The following PTPRT variants were observed in gnomAD, a reference collection of about 807,000 sequenced individuals.
PTPRT encodes protein tyrosine phosphatase receptor type T, also known as receptor-type tyrosine-protein phosphatase T.
In PTPRT, 56 loss-of-function variants were observed where a neutral mutation model predicts 176.8. The ratio of observed to expected loss-of-function variants is 0.32; its 90% CI spans 0.26 to 0.40. PTPRT has a LOEUF of 0.40. PTPRT is among the 10% of genes least tolerant of loss of function. PTPRT has a pLI of 1.00. For missense variants in PTPRT, 1,540 were observed against 1,908.2 expected, an observed-to-expected ratio of 0.81 and a Z score of 3.60; for synonymous variants, 783 against 739.0, an observed-to-expected ratio of 1.06 and a Z score of -0.96.
chr20:43,169,692 A>T (rs2014947506), intron 1 of PTPRT, among the ~76,000 whole-genome samples: 1 of 152,216 alleles, frequency 6.6e-6, no homozygotes, highest in Admixed American at 6.5e-5. Context: ...AAGAACCACT[A>T]CCGTAAACCA....
intron 22 of PTPRT, 134 bp from the exon 23 acceptor site, chr20:42,110,621 G>A (rs1986925293): frequency 1.1e-6 from 1 of 881,718 alleles, no homozygotes; most frequent in African/African-American, 1.7e-5. Flanking sequence ...GTTAATAGGT[G>A]TTACTGGATA....
intron 1 of PTPRT, among the ~76,000 whole-genome samples, chr20:43,062,368 T>C (rs368686348): frequency 4.6e-5 from 7 of 152,226 alleles, no homozygotes; most frequent in African/African-American, 1.7e-4. Context: ...TGAGCCTTAG[T>C]TTCAGGCTGT....
At chr20:42,202,768 G>T (rs1445157011) in intron 15 of PTPRT, among the ~76,000 whole-genome samples, 1 of 152,176 alleles carries the variant, frequency 6.6e-6, no homozygotes, top group African/African-American at 2.4e-5. Context: ...CGGAGGCTTT[G>T]ATATTTCCTT....
intron 7 of PTPRT, among the ~76,000 whole-genome samples, chr20:42,549,346 G>A (rs139434827): frequency 5.3e-5 from 8 of 152,194 alleles, no homozygotes; most frequent in African/African-American, 9.6e-5. Context: ...TGATTTATCC[G>A]TGTACGTTTA....
chr20:42,899,852 A>T (rs1214809686), intron 1 of PTPRT, among the ~76,000 whole-genome samples: 1 of 152,218 alleles, frequency 6.6e-6, no homozygotes, highest in African/African-American at 2.4e-5. Context: ...ACTTTGGATG[A>T]GTCAGAAGAA....
At chr20:43,120,844 T>C (rs186588956) in intron 1 of PTPRT, among the ~76,000 whole-genome samples, 407 of 152,372 alleles carry the variant, frequency 2.7e-3, no homozygotes, top group African/African-American at 8.9e-3. Context: ...ATTTTTGTAT[T>C]GAAATTTTGT....
intron 1 of PTPRT, among the ~76,000 whole-genome samples, chr20:42,935,717 TAGTCCAGTCC>T (rs545980201): frequency 1.7e-4 from 26 of 152,182 alleles, no homozygotes; most frequent in East Asian, 5.8e-4. Context: ...CGGTCTAGTC[TAGTCCAGTCC>T]AGTCCAGTCC....
chr20:43,104,835 GGTGA>G (rs1332982873), intron 1 of PTPRT, among the ~76,000 whole-genome samples: 2 of 152,176 alleles, frequency 1.3e-5, no homozygotes, highest in African/African-American at 4.8e-5. Flanking sequence ...GCAAGGTTGT[GGTGA>G]GTATTAAATA....
At chr20:42,639,551 G>A (rs2074690129) in intron 7 of PTPRT, among the ~76,000 whole-genome samples, 1 of 152,054 alleles carries the variant, frequency 6.6e-6, no homozygotes. Context: ...AGGGGACACA[G>A]GAGGGTACAT....
rs576701471 is a variant in PTPRT, at chr20:42,872,788, C to T, written c.214+13019G>A. Among the ~76,000 whole-genome samples, 31 of 152,254 alleles carry T rather than the reference C, an allele frequency of 2.0e-4. 2 individuals carry two copies. In the South Asian group the frequency reaches 6.4e-3, roughly 32 times the overall value. On this transcript the variant is annotated intron_variant, in intron 2 of 30. Transcript: ENST00000373187. Reference sequence around the variant, plus strand: ...GTTAATGGCAGAGCTAGGACAGAATCCAGGACTCCTTATTTTTAGATCCAT... The same window carrying T: ...GTTAATGGCAGAGCTAGGACAGAATTCAGGACTCCTTATTTTTAGATCCAT...
chr20:42,581,878 G>A (rs1483501814), intron 7 of PTPRT, among the ~76,000 whole-genome samples: 1 of 152,216 alleles, frequency 6.6e-6, no homozygotes, highest in Admixed American at 6.5e-5. Flanking sequence ...CCTGCCTAAA[G>A]CATTACTGGG....
At chr20:42,218,372 C>A (rs560336985) in intron 15 of PTPRT, among the ~76,000 whole-genome samples, 1 of 152,276 alleles carries the variant, frequency 6.6e-6, no homozygotes, top group Middle Eastern at 3.4e-3. Context: ...TTCCTTTCTT[C>A]TTTGATATCC....
intron 5 of PTPRT, among the ~76,000 whole-genome samples, chr20:42,760,407 T>A (rs919774098): frequency 7.7e-4 from 103 of 134,150 alleles, no homozygotes; most frequent in African/African-American, 2.9e-3. Flanking sequence ...TTTTTTTTTT[T>A]ACACATGGGG....
In PTPRT at chr20:43,185,264, CT is replaced by C. The variant is rs1277232232; in HGVS notation, c.88+4381del. ...ATTTATTTATTGGAATGCCATGGCC[CT>C]TGTTTGTTTTCTTATTCTTTGCTTG... On this transcript the variant is annotated intron_variant, in intron 1 of 30. Transcript: ENST00000373187. Among the ~76,000 whole-genome samples the C allele has an allele frequency of 2.0e-5, 3 of 152,244 alleles. No individual in the cohort carries two copies. In the East Asian group the frequency reaches 5.8e-4, roughly 29 times the overall value.
At chr20:42,821,071 A>C (rs2077884591) in intron 2 of PTPRT, among the ~76,000 whole-genome samples, 3 of 152,178 alleles carry the variant, frequency 2.0e-5, no homozygotes. Flanking sequence ...TATGAAGCCA[A>C]CATCATCCTG....
chr20:42,407,701 AT>A (rs2058975244), intron 9 of PTPRT, among the ~76,000 whole-genome samples: 2 of 152,196 alleles, frequency 1.3e-5, no homozygotes. Context: ...CAGGAAAAAT[AT>A]TTTAAAAAGA....
intron 26 of PTPRT, among the ~76,000 whole-genome samples, chr20:42,099,546 C>CGGGGGG (rs59137378): frequency 1.1e-3 from 32 of 28,856 alleles, no homozygotes; most frequent in African/African-American, 1.4e-3. Context: ...ATGGCCTGGG[C>CGGGGGG]GGGGGGGGGG....
chr20:42,043,085 C>T, the PTPRT span, among the ~76,000 whole-genome samples: 1 of 152,224 alleles, frequency 6.6e-6, no homozygotes, highest in Non-Finnish European at 1.5e-5. Context: ...GCCTGTTTGG[C>T]CAAATCCAGG....
intron 2 of PTPRT, among the ~76,000 whole-genome samples, chr20:42,840,976 C>G (rs1426346300): frequency 6.6e-6 from 1 of 152,170 alleles, no homozygotes; most frequent in Non-Finnish European, 1.5e-5. Flanking sequence ...TTTGCCTTGG[C>G]TCACTTGGCC....
Sources: gnomAD v4.1 joint callset for allele counts (sites outside exome capture counted in the v4.1 genomes callset) on GRCh38, gnomAD v4.1.1 for gene constraint, MANE v1.5 for transcripts, NCBI Gene and HGNC (gene_info 2026-07-23, HGNC 2026-07-21) for gene names.